The following LIN7A variants were observed in gnomAD, a reference collection of about 807,000 sequenced individuals.
LIN7A encodes the protein protein lin-7 homolog A.
In LIN7A, 25 loss-of-function variants were observed where a neutral mutation model predicts 29.8. The ratio of observed to expected loss-of-function variants is 0.84; its 90% CI spans 0.61 to 1.17. LIN7A has a LOEUF of 1.17. LIN7A is among the 50% of genes most tolerant of loss of function. LIN7A has a pLI of 0.00. For synonymous variants in LIN7A, 118 were observed against 107.5 expected, an observed-to-expected ratio of 1.10 and a Z score of -0.60; for missense variants, 239 against 287.0, an observed-to-expected ratio of 0.83 and a Z score of 1.21.
intron 2 of LIN7A, among the ~76,000 whole-genome samples, chr12:80,851,391 C>A (rs1469201469): frequency 2.1e-5 from 3 of 145,768 alleles, no homozygotes; most frequent in African/African-American, 7.7e-5. Context: ...ACAATAGATT[C>A]TGATTAGCTG....
rs1592921889 is a variant in LIN7A, at chr12:80,882,302, T to G, written c.201+6949A>C. Among the ~76,000 whole-genome samples, 5 of 116,040 alleles carry G rather than the reference T, an allele frequency of 4.3e-5. No individual in the cohort carries two copies. The East Asian group carries it at 1.1e-3, about 25-fold the overall frequency. 76.1% of individuals were successfully genotyped at this position (116,040 alleles called of 152,430 possible). On this transcript the variant is annotated intron_variant, in intron 2 of 5. Coordinates refer to ENST00000552864, the MANE Select transcript of LIN7A (RefSeq NM_004664.4). Reference sequence around the variant, plus strand: ...TTCTTTCATTCTTTTTTTTTTTTTTTGAGACGGAGTCTCGCTCTGTCGCCC... The same window carrying G: ...TTCTTTCATTCTTTTTTTTTTTTTTGGAGACGGAGTCTCGCTCTGTCGCCC...
intron 2 of LIN7A, among the ~76,000 whole-genome samples, chr12:80,869,327 A>C (rs1874308249): frequency 6.6e-6 from 1 of 152,066 alleles, no homozygotes; most frequent in African/African-American, 2.4e-5. Context: ...TAGCATTTCT[A>C]TCTGACTTGA....
At chr12:80,906,643 G>A (rs575938835) in intron 1 of LIN7A, among the ~76,000 whole-genome samples, 68 of 152,006 alleles carry the variant, frequency 4.5e-4, no homozygotes, top group Non-Finnish European at 8.8e-4. Flanking sequence ...GCAAAGAAGG[G>A]AACATTAGAC....
At chr12:80,894,739 C>T (rs889483860) in intron 1 of LIN7A, among the ~76,000 whole-genome samples, 1 of 152,164 alleles carries the variant, frequency 6.6e-6, no homozygotes, top group Non-Finnish European at 1.5e-5. Flanking sequence ...CTACAGATCA[C>T]TGAGTTTAAT....
chr12:80,809,277 C>T (rs561224386), intron 5 of LIN7A, among the ~76,000 whole-genome samples: 1 of 152,282 alleles, frequency 6.6e-6, no homozygotes, highest in East Asian at 1.9e-4. Flanking sequence ...GTAGCTTCTT[C>T]TTTTCACAAG....
intron 4 of LIN7A, among the ~76,000 whole-genome samples, chr12:80,837,881 T>A (rs7309585): frequency 6.6e-6 from 1 of 151,682 alleles, no homozygotes; most frequent in African/African-American, 2.4e-5. Flanking sequence ...TGTTCTTACT[T>A]TCTACCAGAT....
intron 5 of LIN7A, among the ~76,000 whole-genome samples, chr12:80,800,087 G>T (rs1203014123): frequency 6.6e-6 from 1 of 152,096 alleles, no homozygotes; most frequent in Non-Finnish European, 1.5e-5. Context: ...AATGAAAGTG[G>T]TCACATCACT....
chr12:80,807,083 T>TTTTG (rs1555221409), intron 5 of LIN7A, among the ~76,000 whole-genome samples: 4 of 137,202 alleles, frequency 2.9e-5, no homozygotes, highest in Admixed American at 7.5e-5. Context: ...TTTTTTTTTT[T>TTTTG]TTTTTTTTGA....
At chr12:80,843,306 T>C (rs1485799457) in intron 4 of LIN7A, among the ~76,000 whole-genome samples, 1 of 152,168 alleles carries the variant, frequency 6.6e-6, no homozygotes, top group African/African-American at 2.4e-5. Flanking sequence ...TTTTCAACTG[T>C]CAATCTAATA....
intron 1 of LIN7A, chr12:80,935,874 C>G (rs1373132582): frequency 2.3e-6 from 1 of 433,758 alleles, no homozygotes; most frequent in Non-Finnish European, 5.1e-6. Flanking sequence ...AGCACCTCCT[C>G]TCATCAACCG....
chr12:80,932,807 G>A (rs1877986716), intron 1 of LIN7A, among the ~76,000 whole-genome samples: 1 of 152,164 alleles, frequency 6.6e-6, no homozygotes, highest in Non-Finnish European at 1.5e-5. Context: ...AATTCCTGAA[G>A]CATTTCTATG....
At chr12:80,864,955 T>C (rs559638347) in intron 2 of LIN7A, among the ~76,000 whole-genome samples, 1 of 152,334 alleles carries the variant, frequency 6.6e-6, no homozygotes, top group South Asian at 2.1e-4. Flanking sequence ...TTGAAGTGCT[T>C]CATTAGTACT....
intron 4 of LIN7A, among the ~76,000 whole-genome samples, chr12:80,812,775 T>C (rs536025443): frequency 3.2e-4 from 49 of 152,246 alleles, no homozygotes; most frequent in African/African-American, 1.1e-3. Context: ...GGTCTTGAAC[T>C]CCTGACCTCA....
At chr12:80,797,786 A>T (rs1870524539) in intron 5 of LIN7A, 60 bp from the exon 6 acceptor site, 1 of 152,658 alleles carries the variant, frequency 6.6e-6, no homozygotes, top group Non-Finnish European at 1.5e-5. Flanking sequence ...CAACTACAAT[A>T]TGCTAAAAAT....
intron 1 of LIN7A, among the ~76,000 whole-genome samples, chr12:80,899,599 G>T (rs1487396083): frequency 1.3e-5 from 2 of 151,868 alleles, no homozygotes; most frequent in African/African-American, 4.8e-5. Context: ...ATTTGGTCAT[G>T]AATCCATCTG....
At chr12:80,907,614 A>G (rs1400962337) in intron 1 of LIN7A, among the ~76,000 whole-genome samples, 5 of 152,108 alleles carry the variant, frequency 3.3e-5, no homozygotes, top group Non-Finnish European at 7.4e-5. Context: ...GCCTAAAAGG[A>G]TTGTTCATTT....
chr12:80,822,273 G>A (rs546312703), intron 4 of LIN7A, among the ~76,000 whole-genome samples: 2 of 152,128 alleles, frequency 1.3e-5, no homozygotes, highest in Non-Finnish European at 2.9e-5. Flanking sequence ...AACAATATGG[G>A]GGCGCTGTGT....
chr12:80,896,078 C>A (rs918313465), intron 1 of LIN7A, among the ~76,000 whole-genome samples: 5 of 152,114 alleles, frequency 3.3e-5, no homozygotes, highest in African/African-American at 1.2e-4. Flanking sequence ...ACTGGAATAA[C>A]CTATAGTGGT....
chr12:80,894,358 A>G (rs542259377), intron 1 of LIN7A, among the ~76,000 whole-genome samples: 1 of 152,052 alleles, frequency 6.6e-6, no homozygotes, highest in South Asian at 2.1e-4. Flanking sequence ...CCTAGAACCT[A>G]CTCCTCCTAT....
Sources: allele counts gnomAD v4.1 joint callset (sites outside exome capture counted in the v4.1 genomes callset), GRCh38; gene constraint gnomAD v4.1.1; transcripts MANE v1.5; gene names NCBI Gene and HGNC (gene_info 2026-07-23, HGNC 2026-07-21).